Variants in PDE1C observed in about 807,000 individuals in gnomAD.
PDE1C encodes the protein dual specificity calcium/calmodulin-dependent 3',5'-cyclic nucleotide phosphodiesterase 1C.
A neutral mutation model predicts 93.1 loss-of-function variants in PDE1C; 62 were observed. That is an observed-to-expected ratio of 0.67 (90% confidence interval 0.54 to 0.82). The LOEUF (loss-of-function observed/expected upper bound fraction) is 0.82, where lower values mean the gene tolerates loss of function less well. PDE1C is among the 40% of genes least tolerant of loss of function. The probability of loss-of-function intolerance (pLI) is 0.00; values close to 1 mark genes in which losing one functional copy is unlikely to be tolerated. For synonymous variants in PDE1C, 325 were observed against 310.1 expected (o/e 1.05, Z -0.50); for missense variants, 742 against 884.6 (o/e 0.84, Z 2.04).
chr7:31,849,385 A>G (rs1001502899), intron 8 of PDE1C, among the ~76,000 whole-genome samples: 9 of 152,182 alleles, frequency 5.9e-5, no homozygotes, highest in Admixed American at 3.3e-4. Flanking sequence ...AATTCCCTGT[A>G]TTAAAGGGAA....
At chr7:32,293,982 G>A (rs1424031918) in intron 1 of PDE1C, among the ~76,000 whole-genome samples, 1 of 152,096 alleles carries the variant, frequency 6.6e-6, no homozygotes, top group Non-Finnish European at 1.5e-5. Flanking sequence ...TGCCCCAGGG[G>A]AGGCCGGGGG....
intron 3 of PDE1C, among the ~76,000 whole-genome samples, chr7:32,098,689 T>TG (rs1338891239): frequency 1.3e-5 from 2 of 152,232 alleles, no homozygotes; most frequent in Non-Finnish European, 2.9e-5. Flanking sequence ...GGAGTTTCTG[T>TG]TTATGCACCC....
At chr7:32,227,194 T>C (rs1480352480) in intron 1 of PDE1C, among the ~76,000 whole-genome samples, 1 of 152,078 alleles carries the variant, frequency 6.6e-6, no homozygotes, top group Non-Finnish European at 1.5e-5. Flanking sequence ...GGCTCACAGT[T>C]TGGGGAGAAG....
rs144794406 is a variant in PDE1C at position 32,199,669 on chromosome 7, C to G, written c.136+9820G>C. Among the ~76,000 whole-genome samples the G allele has an allele frequency of 1.7e-3, 253 of 152,200 alleles. 1 individual carries two copies. Among genetic ancestry groups the G allele is most frequent in the African/African-American group, 5.8e-3 (243 of 41,548 alleles). On this transcript the variant is annotated intron_variant, in intron 2 of 18. Coordinates refer to the PDE1C transcript ENST00000396193. ...TAAAATTTTCCATTTTTTCCAAGGT[C>G]TTGTTCCTTTCTTAGAGTTTCAACT...
At chr7:32,270,660 G>A (rs944012835) in intron 1 of PDE1C, among the ~76,000 whole-genome samples, 6 of 152,174 alleles carry the variant, frequency 3.9e-5, no homozygotes, top group African/African-American at 1.4e-4. Context: ...CAAGCCTACG[G>A]ACAGGGGCTG....
chr7:31,893,534 G>A (rs187054572), intron 2 of PDE1C: 24 of 976,986 alleles, frequency 2.5e-5, no homozygotes, highest in Non-Finnish European at 8.5e-6. Context: ...GATGAAGAAT[G>A]GGACTCCTTT....
chr7:31,800,767 CA>C (rs879297277), intron 16 of PDE1C, among the ~76,000 whole-genome samples: 128 of 150,850 alleles, frequency 8.5e-4, no homozygotes, highest in Admixed American at 3.8e-3. Flanking sequence ...CAATTTCTAC[CA>C]AAAAAAAGCA....
At chr7:31,658,364 T>C in the PDE1C span, 1 of 1,519,664 alleles carries the variant, frequency 6.6e-7, no homozygotes, top group Non-Finnish European at 8.8e-7. Flanking sequence ...AAAGACTTTC[T>C]GAAGACACAA....
chr7:31,936,447 A>AG (rs1805090274), intron 2 of PDE1C, among the ~76,000 whole-genome samples: 1 of 150,526 alleles, frequency 6.6e-6, no homozygotes. Flanking sequence ...AAAAAAAAAA[A>AG]CTCTAAAAAG....
chr7:32,069,674 G>C (rs1292640156), intron 1 of PDE1C, among the ~76,000 whole-genome samples: 1 of 152,114 alleles, frequency 6.6e-6, no homozygotes, highest in Non-Finnish European at 1.5e-5. Flanking sequence ...AGGGCAACTA[G>C]AATTCTGGCC....
At chr7:32,275,668 A>G (rs978507648) in intron 1 of PDE1C, among the ~76,000 whole-genome samples, 9 of 152,196 alleles carry the variant, frequency 5.9e-5, no homozygotes, top group Non-Finnish European at 1.3e-4. Context: ...CCAAAAAAAA[A>G]AAGCCTTAAG....
intron 1 of PDE1C, among the ~76,000 whole-genome samples, chr7:32,268,081 C>G (rs954541615): frequency 6.6e-6 from 1 of 152,174 alleles, no homozygotes; most frequent in Admixed American, 6.5e-5. Context: ...ACCAGCCATG[C>G]GGGTCACACC....
intron 1 of PDE1C, among the ~76,000 whole-genome samples, chr7:32,333,608 G>A (rs537953006): frequency 2.0e-4 from 30 of 152,038 alleles, no homozygotes; most frequent in Non-Finnish European, 3.5e-4. Context: ...AAAAACACAC[G>A]CTTTAACCCA....
chr7:31,738,986 T>G, the PDE1C span, among the ~76,000 whole-genome samples: 1 of 151,590 alleles, frequency 6.6e-6, no homozygotes. Flanking sequence ...CCTGACTTCA[T>G]TCCCCTTCCC....
chr7:31,957,266 T>G (rs1396881580), intron 2 of PDE1C, among the ~76,000 whole-genome samples: 1 of 151,696 alleles, frequency 6.6e-6, no homozygotes, highest in African/African-American at 2.4e-5. Context: ...TGCATCAGTT[T>G]TCCACTGGTT....
At chr7:31,763,632 A>G (rs1794964379) in intron 17 of PDE1C, among the ~76,000 whole-genome samples, 1 of 152,350 alleles carries the variant, frequency 6.6e-6, no homozygotes, top group East Asian at 1.9e-4. Context: ...GGAAATATAA[A>G]TGGGAATATG....
intron 2 of PDE1C, among the ~76,000 whole-genome samples, chr7:31,955,368 C>T (rs1401396317): frequency 6.6e-6 from 1 of 152,124 alleles, no homozygotes; most frequent in Non-Finnish European, 1.5e-5. Flanking sequence ...CTGCCTTATT[C>T]TGGCAGATAG....
chr7:32,350,564 A>ATTGCC (rs1562686450), intron 1 of PDE1C, among the ~76,000 whole-genome samples: 14 of 528 alleles, frequency 0.027, 7 homozygotes, highest in Admixed American at 0.14. Flanking sequence ...ATATATATAT[A>ATTGCC]TATATATATA....
intron 2 of PDE1C, among the ~76,000 whole-genome samples, chr7:31,900,047 C>T (rs1257639436): frequency 6.6e-6 from 1 of 152,000 alleles, no homozygotes; most frequent in Admixed American, 6.6e-5. Context: ...CCAAGAAAAG[C>T]GAAAGTGTAG....
Sources: gnomAD v4.1 joint callset for allele counts (sites outside exome capture counted in the v4.1 genomes callset) on GRCh38, gnomAD v4.1.1 for gene constraint, MANE v1.5 for transcripts, NCBI Gene and HGNC (gene_info 2026-07-23, HGNC 2026-07-21) for gene names.